ME2: variants seen among roughly 807,000 people sequenced by gnomAD.
ME2 encodes the protein NAD-dependent malic enzyme, mitochondrial.
ME2 carries 60 observed loss-of-function variants against 73.7 expected under a neutral mutation model. That is an observed-to-expected ratio of 0.81 (90% CI 0.66 to 1.01). ME2 has a LOEUF of 1.01. ME2 is among the 50% of genes least tolerant of loss of function. ME2 has a pLI of 0.00. For missense variants in ME2, 594 were observed against 705.5 expected, an observed-to-expected ratio of 0.84 and a Z score of 1.79; for synonymous variants, 199 against 236.9, an observed-to-expected ratio of 0.84 and a Z score of 1.47.
At chr18:50,912,057 T>C (rs145984907) in intron 3 of ME2, among the ~76,000 whole-genome samples, 9 of 152,092 alleles carry the variant, frequency 5.9e-5, no homozygotes, top group African/African-American at 2.2e-4. Context: ...ATAGGATTGG[T>C]GTTGGGGAGG....
chr18:50,905,797 C>T lies in ME2; in HGVS notation c.109-2266C>T, dbSNP rs573522486. On this transcript the variant is annotated intron_variant, in intron 2 of 15. Coordinates refer to ENST00000321341, the MANE Select transcript of ME2 (RefSeq NM_002396.5). ...GCAGATGAAGCCTCCAGGTAACAGG[C>T]TTCAGAGAGAATAGATTGTAAATGT... 2.0e-5 allele frequency among the ~76,000 whole-genome samples: 3 copies of T among 152,256 alleles called. No individual in the cohort carries two copies. In the East Asian group the frequency reaches 5.8e-4, roughly 29 times the overall value.
At chr18:50,891,333 G>A (rs976049296) in intron 1 of ME2, among the ~76,000 whole-genome samples, 1 of 152,170 alleles carries the variant, frequency 6.6e-6, no homozygotes, top group African/African-American at 2.4e-5. Flanking sequence ...ACAAGGTGGA[G>A]TGGCCTTCTT....
chr18:50,925,227 C>G (rs1917522095), intron 11 of ME2, among the ~76,000 whole-genome samples: 1 of 152,140 alleles, frequency 6.6e-6, no homozygotes. Flanking sequence ...ACCTGTAATT[C>G]CAGCACTCTG....
chr18:50,926,003 G>A, intron 12 of ME2, 105 bp downstream of exon 12: 2 of 801,472 alleles, frequency 2.5e-6, no homozygotes, highest in Non-Finnish European at 4.1e-6. Context: ...AGAGATTACA[G>A]CATGCATCTA....
Position 50,895,846 on chromosome 18 carries a change from C to T in ME2, c.26C>T (p.Ser9Phe). The T allele has an allele frequency of 6.2e-7, 1 of 1,613,020 alleles. No individual in the cohort carries two copies. The highest frequency in any genetic ancestry group is 8.5e-7 in the Non-Finnish European group (1 of 1,179,778). The change falls in exon 2 of 16, where the codon TCC (serine) becomes TTC (phenylalanine). Residue 9 changes from serine to phenylalanine, a missense_variant. By Grantham distance (155) the Ser-to-Phe change is radical. Transcript: ENST00000321341. Reference protein sequence around the residue: MLSRLRVVSTTCTLACRHL... With the variant: MLSRLRVVFTTCTLACRHL... ...ATGTTGTCCCGGTTAAGAGTAGTTT[C>T]CACCACTTGTACTTTGGCATGTCGA...
rs569168380 is a variant in ME2, at chr18:50,897,774, C to T, written c.108+1846C>T. Among the ~76,000 whole-genome samples, 5 of 151,854 alleles carry T rather than the reference C, an allele frequency of 3.3e-5. No homozygotes were observed. In the South Asian group the frequency reaches 8.3e-4, roughly 25 times the overall value. On this transcript the variant is annotated intron_variant, in intron 2 of 15. Transcript: ENST00000321341. Reference sequence around the variant, plus strand: ...ACTTGGGAGGCTGAGGCAGGAGAATCGTTTGAACCCGGAAGTGGAGAGTGC... The same window carrying T: ...ACTTGGGAGGCTGAGGCAGGAGAATTGTTTGAACCCGGAAGTGGAGAGTGC...
rs561630833 is a variant in ME2, at chr18:50,912,105, C to T, written c.243-696C>T. Among the ~76,000 whole-genome samples the T allele has an allele frequency of 3.9e-5, 6 of 152,150 alleles. No individual in the cohort carries two copies. The East Asian group carries it at 5.8e-4, about 15-fold the overall frequency. ...TAAATCAAGAATGGAATCTGGGTTT[C>T]GCATTTGGTCACGTGATAGCAGAAG... On this transcript the variant is annotated intron_variant, in intron 3 of 15. Transcript: ENST00000321341.
chr18:50,880,005 G>A (rs1206571697), intron 1 of ME2, among the ~76,000 whole-genome samples: 1 of 152,146 alleles, frequency 6.6e-6, no homozygotes, highest in Non-Finnish European at 1.5e-5. Flanking sequence ...AAATTAACAC[G>A]TGCTTTCTTA....
At chr18:50,916,945 G>T (rs2077151044) in intron 5 of ME2, 1 of 153,226 alleles carries the variant, frequency 6.5e-6, no homozygotes, top group African/African-American at 2.4e-5. Context: ...TTTCACAGTT[G>T]CTAAGGTTTT....
At chr18:50,919,334 T>C (rs1011628951) in intron 7 of ME2, among the ~76,000 whole-genome samples, 1 of 152,216 alleles carries the variant, frequency 6.6e-6, no homozygotes, top group African/African-American at 2.4e-5. Context: ...GATCTAACCC[T>C]GGCCTACCTT....
rs898976277 is a variant in ME2 at position 50,950,469 on chromosome 18, T to A, written c.*3285T>A. 1 of 120,860 alleles carries A rather than the reference T, an allele frequency of 8.3e-6. No homozygotes were observed. The highest frequency in any genetic ancestry group is 3.4e-5 in the African/African-American group (1 of 29,658). 7.5% of individuals were successfully genotyped at this position (120,860 alleles called of 1,614,324 possible). A position where few individuals can be genotyped will look rare whatever the true frequency, so the allele number is the denominator to read the frequency against. ...CTGGGGTGGGGCCTCAGATTCTGCT[T>A]TTTTTTTTTTTTTTTTTTTTTTTTT... On this transcript the variant is annotated 3_prime_UTR_variant, in exon 16 of 16. Transcript: ENST00000321341.
At chr18:50,910,974 G>T (rs1917143206) in intron 3 of ME2, among the ~76,000 whole-genome samples, 1 of 152,202 alleles carries the variant, frequency 6.6e-6, no homozygotes, top group South Asian at 2.1e-4. Flanking sequence ...GCATCATATG[G>T]CTACCCAAAA....
intron 3 of ME2, among the ~76,000 whole-genome samples, chr18:50,909,611 G>A (rs538240903): frequency 1.6e-4 from 24 of 152,260 alleles, no homozygotes; most frequent in African/African-American, 5.3e-4. Context: ...GGTAAGAGTG[G>A]TTTCTTTGAT....
chr18:50,923,800 A>G (rs150764376), intron 10 of ME2, among the ~76,000 whole-genome samples: 231 of 152,318 alleles, frequency 1.5e-3, no homozygotes, highest in African/African-American at 2.8e-3. Context: ...TCTACCCCAG[A>G]TAAAGGACTG....
chr18:50,944,895 C>T (rs1293189707), intron 15 of ME2, among the ~76,000 whole-genome samples: 3 of 152,010 alleles, frequency 2.0e-5, no homozygotes, highest in Non-Finnish European at 4.4e-5. Context: ...CTTCAGAACA[C>T]CTCCCACTGC....
intron 10 of ME2, among the ~76,000 whole-genome samples, chr18:50,921,850 C>T (rs1346168775): frequency 6.6e-6 from 1 of 152,204 alleles, no homozygotes; most frequent in Admixed American, 6.5e-5. Flanking sequence ...AAGAGCTTAT[C>T]TCCCAGATTA....
In ME2 at chr18:50,951,942, C is replaced by T. The variant is rs1352804299; in HGVS notation, c.*4758C>T. The T allele has an allele frequency of 6.8e-6, 1 of 147,412 alleles. No homozygotes were observed. Among genetic ancestry groups the T allele is most frequent in the Admixed American group, 6.8e-5 (1 of 14,814 alleles). The allele number at this position is 147,412 out of a possible 1,614,324, so 9.1% of individuals were successfully genotyped here. On this transcript the variant is annotated 3_prime_UTR_variant, in exon 16 of 16. Transcript: ENST00000321341. ...GTTGAATTCACCAAAATGGGGTCAG[C>T]TCTGGTGAGCCTATGTAATACTCGA... is the stretch of plus-strand genomic sequence containing the variant.
chr18:50,900,940 G>A (rs1056468570), intron 2 of ME2, among the ~76,000 whole-genome samples: 54 of 152,092 alleles, frequency 3.6e-4, no homozygotes, highest in Non-Finnish European at 2.6e-4. Flanking sequence ...CTCAGTCTTG[G>A]TATTTCGTCA....
intron 1 of ME2, among the ~76,000 whole-genome samples, chr18:50,882,944 ACT>A (rs1281217841): frequency 6.6e-6 from 1 of 151,804 alleles, no homozygotes; most frequent in African/African-American, 2.4e-5. Context: ...GATTTTTGAG[ACT>A]CTATCTCAAA....
Sources: gnomAD v4.1 joint callset for allele counts (sites outside exome capture counted in the v4.1 genomes callset) on GRCh38, gnomAD v4.1.1 for gene constraint, MANE v1.5 for transcripts, NCBI Gene and HGNC (gene_info 2026-07-23, HGNC 2026-07-21) for gene names.